The following MED13L variants were observed in gnomAD, a reference collection of about 807,000 sequenced individuals.
The protein encoded by MED13L is mediator complex subunit 13L.
A neutral mutation model predicts 220.9 loss-of-function variants in MED13L; 7 were observed. The observed-to-expected ratio is 0.03, with a 90% CI of 0.02 to 0.06. The LOEUF (loss-of-function observed/expected upper bound fraction) is 0.06. MED13L is among the 10% of genes least tolerant of loss of function. The pLI is 1.00. For synonymous variants in MED13L, 1,011 were observed against 1,015.2 expected (o/e 1.00, Z 0.08); for missense variants, 1,965 against 2,760.5 (o/e 0.71, Z 6.46).
chr12:116,081,665 G>A (rs1479396779), intron 4 of MED13L, among the ~76,000 whole-genome samples: 3 of 152,154 alleles, frequency 2.0e-5, no homozygotes, highest in Non-Finnish European at 4.4e-5. Context: ...ACTTGAGTTT[G>A]AGACCAGCCC....
chr12:116,085,042 A>C (rs1442228628), intron 4 of MED13L, among the ~76,000 whole-genome samples: 2 of 152,190 alleles, frequency 1.3e-5, no homozygotes, highest in Non-Finnish European at 2.9e-5. Flanking sequence ...TAAAGAAACA[A>C]TACTACTCAA....
At chr12:115,974,713 A>T (rs1001077047) in intron 25 of MED13L, among the ~76,000 whole-genome samples, 2 of 152,226 alleles carry the variant, frequency 1.3e-5, no homozygotes, top group Non-Finnish European at 2.9e-5. Context: ...ACTTGTCCTC[A>T]TGAAACAGGA....
At chr12:116,192,112 A>G (rs959884453) in intron 2 of MED13L, among the ~76,000 whole-genome samples, 26 of 152,222 alleles carry the variant, frequency 1.7e-4, no homozygotes, top group African/African-American at 6.0e-4. Flanking sequence ...AAAAGAGAGC[A>G]ATAAAATAAA....
intron 2 of MED13L, among the ~76,000 whole-genome samples, chr12:116,228,580 A>C (rs1466052141): frequency 6.6e-6 from 1 of 152,212 alleles, no homozygotes; most frequent in African/African-American, 2.4e-5. Context: ...CTTTCCTAAG[A>C]AAACCCTAGT....
chr12:116,197,338 C>T (rs1309120136), intron 2 of MED13L, among the ~76,000 whole-genome samples: 2 of 152,202 alleles, frequency 1.3e-5, no homozygotes, highest in Non-Finnish European at 2.9e-5. Context: ...CTCTGGCCCA[C>T]TGCCATAAGG....
rs1296769097 is a variant in MED13L at position 115,959,501 on chromosome 12, A to G, written c.*1765T>C. ...CTTCTCACCAAGATAATTTTATACA[A>G]GTTTACAATCTTCATCTTCTTATGC... On this transcript the variant is annotated 3_prime_UTR_variant, in exon 31 of 31. Coordinates refer to ENST00000281928, the MANE Select transcript of MED13L (RefSeq NM_015335.5). 5 of 152,614 alleles carry G rather than the reference A, an allele frequency of 3.3e-5. No homozygotes were observed. The highest frequency in any genetic ancestry group is 7.4e-5 in the Non-Finnish European group (5 of 68,022). 9.5% of individuals were successfully genotyped at this position (152,614 alleles called of 1,614,324 possible).
intron 23 of MED13L, 120 bp downstream of exon 23, chr12:115,980,630 C>G: frequency 9.2e-7 from 1 of 1,081,104 alleles, no homozygotes; most frequent in Non-Finnish European, 1.4e-6. Flanking sequence ...AGCCTAGCAA[C>G]TCTTATATCA....
intron 2 of MED13L, among the ~76,000 whole-genome samples, chr12:116,190,955 G>A (rs2138265186): frequency 1.3e-5 from 2 of 152,046 alleles, no homozygotes; most frequent in Middle Eastern, 6.8e-3. Context: ...AGTCGGGCGT[G>A]GTGGTGCGTG....
rs570625325 is a variant in MED13L, at chr12:116,269,633, A to G, written c.72+7427T>C. The stretch of plus-strand genomic sequence containing the variant: ...CTTGAGCCCACTGCACTCCAGCCTT[A>G]GTGACACAGGGAGACTGTCTCAAAA... On this transcript the variant is annotated intron_variant, in intron 1 of 30. Coordinates refer to ENST00000281928, the MANE Select transcript of MED13L (RefSeq NM_015335.5). Among the ~76,000 whole-genome samples, 3 of 152,198 alleles carry G rather than the reference A, an allele frequency of 2.0e-5. No homozygotes were observed. In the South Asian group the frequency reaches 6.2e-4, roughly 32 times the overall value.
chr12:115,978,079 T>C (rs1379939342), intron 23 of MED13L, among the ~76,000 whole-genome samples: 1 of 151,824 alleles, frequency 6.6e-6, no homozygotes, highest in African/African-American at 2.4e-5. Flanking sequence ...TTAGACCCTG[T>C]CTAAAAAAGA....
chr12:116,008,248 G>T, intron 10 of MED13L, 153 bp downstream of exon 10: 2 of 1,080,094 alleles, frequency 1.9e-6, no homozygotes, highest in Non-Finnish European at 2.6e-6. Context: ...GTAGGACAAA[G>T]CATTTGACCA....
intron 4 of MED13L, among the ~76,000 whole-genome samples, chr12:116,043,754 T>A: frequency 6.6e-6 from 1 of 152,188 alleles, no homozygotes; most frequent in East Asian, 1.9e-4. Flanking sequence ...CCCTACGCAC[T>A]GGCAGATTCT....
intron 29 of MED13L, among the ~76,000 whole-genome samples, chr12:115,965,152 C>T (rs1010757342): frequency 2.0e-5 from 3 of 151,982 alleles, no homozygotes; most frequent in Admixed American, 6.6e-5. Flanking sequence ...TATGTGTGTA[C>T]GTGTATATGT....
intron 4 of MED13L, among the ~76,000 whole-genome samples, chr12:116,043,412 A>AT (rs1881651818): frequency 6.6e-6 from 1 of 152,204 alleles, no homozygotes; most frequent in Admixed American, 6.5e-5. Flanking sequence ...TCCTCTCCGA[A>AT]TAATTTAGCT....
At position 116,148,589 on chromosome 12, in the gene MED13L, C is replaced by G. The variant is rs886897773; in HGVS notation, c.311-37077G>C. On this transcript the variant is annotated intron_variant, in intron 2 of 30. Coordinates refer to ENST00000281928, the MANE Select transcript of MED13L (RefSeq NM_015335.5). Reference sequence around the variant, plus strand: ...TTGCTTGTTTTATTTCTATATCTATCTCCATATATATGGAGATATCTATAT... The same window carrying G: ...TTGCTTGTTTTATTTCTATATCTATGTCCATATATATGGAGATATCTATAT... 3.1e-5 allele frequency: 8 copies of G among 261,430 alleles called. 1 individual carries two copies. The highest frequency in any genetic ancestry group is 1.5e-4 in the South Asian group (4 of 26,684). 16.2% of individuals were successfully genotyped at this position (261,430 alleles called of 1,614,324 possible).
chr12:116,044,728 C>A (rs1347117895), intron 4 of MED13L, among the ~76,000 whole-genome samples: 2 of 152,162 alleles, frequency 1.3e-5, no homozygotes, highest in African/African-American at 4.8e-5. Context: ...ATCAAAGAAA[C>A]ATCTGGAAAG....
intron 1 of MED13L, among the ~76,000 whole-genome samples, chr12:116,266,473 C>T (rs1003142818): frequency 6.6e-6 from 1 of 152,208 alleles, no homozygotes; most frequent in Admixed American, 6.5e-5. Flanking sequence ...CACTCTTCCA[C>T]ACAGCAATCC....
chr12:116,244,618 AGAG>A (rs1461223452), intron 1 of MED13L, among the ~76,000 whole-genome samples: 5 of 152,320 alleles, frequency 3.3e-5, no homozygotes, highest in Non-Finnish European at 5.9e-5. Flanking sequence ...TGAAAGGCAG[AGAG>A]GAGATTAAAT....
At chr12:116,161,183 C>T (rs2138136729) in intron 2 of MED13L, among the ~76,000 whole-genome samples, 1 of 152,212 alleles carries the variant, frequency 6.6e-6, no homozygotes, top group East Asian at 1.9e-4. Flanking sequence ...GACCGAATCA[C>T]CTAATAGGCC....
Sources: allele counts gnomAD v4.1 joint callset (sites outside exome capture counted in the v4.1 genomes callset), GRCh38; gene constraint gnomAD v4.1.1; transcripts MANE v1.5; gene names NCBI Gene and HGNC (gene_info 2026-07-23, HGNC 2026-07-21).